The following MAP4 variants were observed in gnomAD, a reference collection of about 807,000 sequenced individuals.
MAP4 encodes the protein microtubule-associated protein 4.
Under a neutral mutation model 170.2 loss-of-function variants are expected in MAP4, and 76 were observed. The ratio of observed to expected loss-of-function variants is 0.45; its 90% CI spans 0.37 to 0.54. The LOEUF (loss-of-function observed/expected upper bound fraction) is 0.54. Among genes scored for constraint, MAP4 ranks in the 20% least tolerant of loss-of-function variants. The pLI is 0.00. For synonymous variants in MAP4, 909 were observed against 994.5 expected (o/e 0.91, Z 1.62); for missense variants, 2,506 against 2,748.0 (o/e 0.91, Z 1.97).
chr3:48,049,472 C>A (rs988667563), intron 1 of MAP4, among the ~76,000 whole-genome samples: 2 of 149,912 alleles, frequency 1.3e-5, no homozygotes, highest in Non-Finnish European at 3.0e-5. Context: ...ATGCAAAAAT[C>A]AGCCGGGCAT....
In MAP4 at chr3:47,910,650, G is replaced by C. The variant is rs2100035517; in HGVS notation, c.3771C>G (p.Ser1257Arg). The change falls in exon 9 of 21, where the codon AGC becomes AGG. Residue 1257 changes from serine to arginine, a missense_variant. Physicochemically the swap from Ser to Arg is moderately radical, Grantham distance 110. This residue lies in a region of MAP4 where 2,008 missense variants were observed against 2,206.0 expected (regional missense o/e 0.91). Transcript: ENST00000683076. ...TGGGGAAAGTAAATCCTATTTCCTT[G>C]CTTTTATGGGGAATACTACCAGTAT... Reference protein sequence around the residue: ...DGDTGSIPHKSKEIGFTFPKM... With the variant: ...DGDTGSIPHKRKEIGFTFPKM... 6.5e-7 allele frequency: 1 copy of C among 1,535,942 alleles called. No homozygotes were observed. The highest frequency in any genetic ancestry group is 8.7e-7 in the Non-Finnish European group (1 of 1,146,900).
At chr3:48,002,379 C>G (rs2100099678) in intron 1 of MAP4, among the ~76,000 whole-genome samples, 1 of 151,910 alleles carries the variant, frequency 6.6e-6, no homozygotes, top group Non-Finnish European at 1.5e-5. Context: ...AGGCAACATA[C>G]TGAGACCCTG....
At chr3:48,019,553 T>C (rs1212316570), upstream of MAP4, among the ~76,000 whole-genome samples, 1 of 152,038 alleles carries the variant, frequency 6.6e-6, no homozygotes, top group Non-Finnish European at 1.5e-5. Flanking sequence ...TCATACTTGA[T>C]CAGCTCTTAG....
chr3:47,853,408 T>G, intron 19 of MAP4, 56 bp from the exon 20 acceptor site: 2 of 1,188,526 alleles, frequency 1.7e-6, no homozygotes, highest in Non-Finnish European at 2.4e-6. Context: ...GGGAGTGGGA[T>G]GGGGTGATGG....
intron 1 of MAP4, among the ~76,000 whole-genome samples, chr3:48,056,186 G>A (rs1392857763): frequency 1.6e-5 from 2 of 126,560 alleles, no homozygotes; most frequent in Non-Finnish European, 3.6e-5. Context: ...CCCCCGCCCC[G>A]CCAGCCATGC....
intron 1 of MAP4, among the ~76,000 whole-genome samples, chr3:48,021,615 G>T (rs1324807252): frequency 6.6e-6 from 1 of 152,124 alleles, no homozygotes; most frequent in Middle Eastern, 3.2e-3. Flanking sequence ...TAAAGTGTTG[G>T]GATTACAGGC....
At chr3:47,898,423 A>T (rs1246833097) in intron 10 of MAP4, among the ~76,000 whole-genome samples, 1 of 151,830 alleles carries the variant, frequency 6.6e-6, no homozygotes, top group Non-Finnish European at 1.5e-5. Context: ...AATTGCTTGA[A>T]TCCGGGAGGC....
In MAP4 at chr3:47,870,984, G is replaced by C; in HGVS notation, c.6123C>G (p.Ser2041=). 6.2e-7 allele frequency: 1 copy of C among 1,614,134 alleles called. No individual in the cohort carries two copies. The highest frequency in any genetic ancestry group is 8.5e-7 in the Non-Finnish European group (1 of 1,179,960). Residue 2041 remains serine (S), a synonymous_variant, in exon 15 of 21, where the codon TCC becomes TCG. Coordinates refer to ENST00000683076, the MANE Select transcript of MAP4 (RefSeq NM_001385682.1). The part of the protein sequence containing the change: ...PSRVKATPMP[S]RPSTTPFIDK... ...CTATGAAAGGAGTTGTGGAGGGCCGGGAGGGCATGGGTGTGGCCTTGACTC... is the reference window on the plus strand; with the variant it reads ...CTATGAAAGGAGTTGTGGAGGGCCGCGAGGGCATGGGTGTGGCCTTGACTC...
intron 8 of MAP4, among the ~76,000 whole-genome samples, chr3:47,914,285 C>T (rs924814281): frequency 3.9e-5 from 6 of 152,162 alleles, no homozygotes; most frequent in East Asian, 1.9e-4. Flanking sequence ...AGGCCAGGCA[C>T]GGTCGCTCAC....
chr3:47,908,933 C>T (rs1577409695), intron 9 of MAP4, 105 bp downstream of exon 9: 1 of 1,201,532 alleles, frequency 8.3e-7, no homozygotes, highest in East Asian at 2.3e-5. Flanking sequence ...CAATGATTAA[C>T]AAGGATGATT....
intron 1 of MAP4, among the ~76,000 whole-genome samples, chr3:48,001,979 C>T (rs1297259034): frequency 2.0e-5 from 3 of 152,048 alleles, no homozygotes; most frequent in African/African-American, 4.8e-5. Flanking sequence ...CAGGTTCATG[C>T]GACTCTGTCA....
At chr3:47,867,215 CAG>C (rs755222534) in intron 17 of MAP4, 29 bp downstream of exon 17, 25 of 1,504,550 alleles carry the variant, frequency 1.7e-5, no homozygotes, top group Admixed American at 3.4e-5. Context: ...GGCTATATCT[CAG>C]ATGCCAGCTA....
chr3:47,907,590 A>G lies in MAP4; in HGVS notation c.5383+1448T>C, dbSNP rs1364716979. Among the ~76,000 whole-genome samples the G allele has an allele frequency of 6.6e-5, 10 of 152,302 alleles. No homozygotes were observed. In the East Asian group the frequency reaches 1.9e-3, roughly 29 times the overall value. On this transcript the variant is annotated intron_variant, in intron 9 of 20. Coordinates refer to ENST00000683076, the MANE Select transcript of MAP4 (RefSeq NM_001385682.1). ...CTGACCTGACCCAGGCAGGGCCCCA[A>G]AAGTTCTGCAGTACTGGTCTTGCTT...
intron 2 of MAP4, among the ~76,000 whole-genome samples, chr3:47,994,930 T>C (rs982080863): frequency 1.5e-4 from 21 of 144,294 alleles, no homozygotes; most frequent in African/African-American, 2.9e-4. Flanking sequence ...GCCTGTGCAA[T>C]AGAGCGGGAC....
intron 1 of MAP4, among the ~76,000 whole-genome samples, chr3:48,073,765 G>T (rs2100142233): frequency 6.6e-6 from 1 of 151,942 alleles, no homozygotes; most frequent in Non-Finnish European, 1.5e-5. Context: ...AAAATACTAA[G>T]GAATAAATTT....
At chr3:48,063,751 G>C (rs1222983908) in intron 1 of MAP4, among the ~76,000 whole-genome samples, 1 of 152,106 alleles carries the variant, frequency 6.6e-6, no homozygotes, top group Admixed American at 6.6e-5. Flanking sequence ...CAATCTGAAA[G>C]GCTATATACT....
chr3:47,970,424 G>C (rs2100077927), intron 3 of MAP4, among the ~76,000 whole-genome samples: 1 of 152,264 alleles, frequency 6.6e-6, no homozygotes, highest in Admixed American at 6.5e-5. Flanking sequence ...GGTGGAGGTT[G>C]TGGTGAGCTG....
At chr3:48,055,209 T>C (rs1039406187) in intron 1 of MAP4, among the ~76,000 whole-genome samples, 8 of 141,254 alleles carry the variant, frequency 5.7e-5, no homozygotes, top group African/African-American at 2.4e-4. Context: ...CGTCTCCGTC[T>C]CCGTCTCCGT....
chr3:47,951,398 G>C (rs927457538), intron 3 of MAP4, among the ~76,000 whole-genome samples: 10 of 152,156 alleles, frequency 6.6e-5, no homozygotes, highest in East Asian at 3.9e-4. Flanking sequence ...CTCTGATGCC[G>C]AGCCGAAGCT....
Sources: allele counts gnomAD v4.1 joint callset (sites outside exome capture counted in the v4.1 genomes callset), GRCh38; gene constraint gnomAD v4.1.1; regional missense constraint gnomAD v4.1.1; transcripts MANE v1.5; gene names NCBI Gene and HGNC (gene_info 2026-07-23, HGNC 2026-07-21).